ANO4: variants seen among roughly 807,000 people sequenced by gnomAD.
The protein encoded by ANO4 is anoctamin-4.
In ANO4, 69 loss-of-function variants were observed where a neutral mutation model predicts 141.9. The observed-to-expected ratio is 0.49, with a 90% CI of 0.40 to 0.59. The LOEUF (loss-of-function observed/expected upper bound fraction) is 0.59, where lower values mean the gene tolerates loss of function less well. ANO4 is among the 20% of genes least tolerant of loss of function. The pLI, the probability that ANO4 is intolerant of heterozygous loss-of-function variation, is 0.00. For synonymous variants in ANO4, 350 were observed against 394.3 expected (o/e 0.89, Z 1.33); for missense variants, 894 against 1,162.2 (o/e 0.77, Z 3.36).
intron 2 of ANO4, among the ~76,000 whole-genome samples, chr12:100,910,729 ACTT>A (rs1565999185): frequency 6.6e-6 from 1 of 152,164 alleles, no homozygotes; most frequent in African/African-American, 2.4e-5. Flanking sequence ...AATCTAAAAT[ACTT>A]CTTCTATTGC....
At chr12:100,981,003 C>T (rs1019352317) in intron 7 of ANO4, among the ~76,000 whole-genome samples, 1 of 152,064 alleles carries the variant, frequency 6.6e-6, no homozygotes, top group African/African-American at 2.4e-5. Flanking sequence ...CATTACTACT[C>T]CTTCCTTCCA....
Position 101,037,102 on chromosome 12 carries a change from T to C in ANO4, c.849T>C (p.Asn283=). The change falls in exon 10 of 28, where the codon AAT becomes AAC. Residue 283 remains asparagine, a synonymous_variant. Coordinates refer to ENST00000392977, the MANE Select transcript of ANO4 (RefSeq NM_001286615.2). ...ACTTATTTGCTGTTTTAGGTCTGAA[T>C]CGTTTGCTTACCAATGGCTCCTATG... ...YEEGKNKIGL[N]RLLTNGSYEA... 1.2e-6 allele frequency: 2 copies of C among 1,614,058 alleles called. No individual in the cohort carries two copies. The highest frequency in any genetic ancestry group is 2.2e-5 in the East Asian group (1 of 44,870).
intron 1 of ANO4, among the ~76,000 whole-genome samples, chr12:100,795,379 G>A (rs1354922024): frequency 6.6e-6 from 1 of 152,210 alleles, no homozygotes; most frequent in Non-Finnish European, 1.5e-5. Flanking sequence ...TCCTCAGTGT[G>A]CCAGGGGCAC....
rs138602421 is a variant in ANO4, at chr12:101,037,188, C to T, written c.897+38C>T. The T allele has an allele frequency of 4.0e-4, 643 of 1,595,132 alleles. 1 individual carries two copies. In the African/African-American group the frequency reaches 7.4e-3, roughly 18 times the overall value. ...CTTTAATCTTTATCTTTCTTTCAAT[C>T]GTTTGTTACTAAAGTCAGCTTCTAG... On this transcript the variant is annotated intron_variant, in intron 10 of 27. Transcript: ENST00000392977.
intron 26 of ANO4, among the ~76,000 whole-genome samples, chr12:101,124,100 C>A (rs1353826246): frequency 1.3e-5 from 2 of 152,144 alleles, no homozygotes; most frequent in Non-Finnish European, 2.9e-5. Context: ...TAAAAGTGTT[C>A]CTTTTTCTCT....
chr12:100,791,919 A>G (rs557408645), upstream of ANO4, among the ~76,000 whole-genome samples: 2 of 152,350 alleles, frequency 1.3e-5, no homozygotes, highest in South Asian at 4.1e-4. Flanking sequence ...GGCTTTCAGA[A>G]GTTAGATGGA....
At chr12:101,109,578 AAAAC>A (rs1325888863) in intron 22 of ANO4, among the ~76,000 whole-genome samples, 4 of 152,154 alleles carry the variant, frequency 2.6e-5, no homozygotes, top group Non-Finnish European at 5.9e-5. Context: ...AACAAAAAAC[AAAAC>A]AAACAAAAAA....
chr12:101,061,226 G>A (rs1235072626), intron 14 of ANO4, among the ~76,000 whole-genome samples: 1 of 152,226 alleles, frequency 6.6e-6, no homozygotes, highest in Middle Eastern at 3.4e-3. Context: ...CTTCTGGCTT[G>A]TAGGGTTTCT....
chr12:100,787,461 A>G (rs780985227), intron 3 of ANO4, among the ~76,000 whole-genome samples: 1 of 152,192 alleles, frequency 6.6e-6, no homozygotes, highest in African/African-American at 2.4e-5. Flanking sequence ...GAGAGCAGTC[A>G]TGGGGCTTGT....
At position 101,086,664 on chromosome 12, in the gene ANO4, G is replaced by A. The variant is rs1168628913; in HGVS notation, c.1541G>A (p.Cys514Tyr). 6.2e-7 allele frequency: 1 copy of A among 1,613,470 alleles called. No individual in the cohort carries two copies. Among genetic ancestry groups the A allele is most frequent in the Non-Finnish European group, 8.5e-7 (1 of 1,179,732 alleles). ...GGTGTCTTGTCTTCCTGCCAGATCTGCGTGGTGATTGCTGCCGTGTTCGGG... is the reference window on the plus strand; with the variant it reads ...GGTGTCTTGTCTTCCTGCCAGATCTACGTGGTGATTGCTGCCGTGTTCGGG... ...VSASGIFFMI[C>Y]VVIAAVFGIV... is the part of the protein sequence containing the mutation. The change falls in exon 17 of 28, where the codon TGC becomes TAC. Residue 514 changes from cysteine (C) to tyrosine (Y), a missense_variant. Physicochemically the swap from Cys to Tyr is radical, Grantham distance 194. Transcript: ENST00000392977.
chr12:100,820,051 T>C (rs2035954029), intron 1 of ANO4, among the ~76,000 whole-genome samples: 1 of 151,996 alleles, frequency 6.6e-6, no homozygotes, highest in Non-Finnish European at 1.5e-5. Flanking sequence ...GCTCTGTCTT[T>C]GGGTTCCTCC....
At chr12:100,807,076 TAAATA>T (rs2135688599) in intron 1 of ANO4, among the ~76,000 whole-genome samples, 1 of 152,354 alleles carries the variant, frequency 6.6e-6, no homozygotes, top group Admixed American at 6.5e-5. Context: ...TATTTTTATG[TAAATA>T]AAATCATACT....
At chr12:100,932,905 A>AT (rs969686291) in intron 3 of ANO4, among the ~76,000 whole-genome samples, 2 of 152,006 alleles carry the variant, frequency 1.3e-5, no homozygotes, top group Admixed American at 6.6e-5. Context: ...TTCCCAAGTC[A>AT]TTTTTTAGGC....
At chr12:101,053,779 G>A (rs779636770) in intron 14 of ANO4, among the ~76,000 whole-genome samples, 2 of 152,164 alleles carry the variant, frequency 1.3e-5, no homozygotes, top group Non-Finnish European at 2.9e-5. Flanking sequence ...GACCTTTTTT[G>A]AGGGGACACA....
intron 1 of ANO4, among the ~76,000 whole-genome samples, chr12:100,848,924 G>T (rs1461220260): frequency 6.6e-6 from 1 of 152,112 alleles, no homozygotes; most frequent in Non-Finnish European, 1.5e-5. Context: ...CCTGCACATA[G>T]TGGGAATAAA....
chr12:100,929,496 T>G (rs1280216872), intron 3 of ANO4, among the ~76,000 whole-genome samples: 1 of 152,166 alleles, frequency 6.6e-6, no homozygotes, highest in Non-Finnish European at 1.5e-5. Context: ...TGTACCACCA[T>G]TTTCTTTATC....
At chr12:101,057,769 G>C (rs2048182157) in intron 14 of ANO4, among the ~76,000 whole-genome samples, 1 of 152,264 alleles carries the variant, frequency 6.6e-6, no homozygotes, top group East Asian at 1.9e-4. Flanking sequence ...TTAGCTCTTT[G>C]TCAGATGGAT....
chr12:101,056,547 G>GT lies in ANO4; in HGVS notation c.1312+8150dup, dbSNP rs532529753. ...ATTAAGAAATTTATAAAATAAATAA[G>GT]TTTTCTTTCTTTCTAATCTATATGA... On this transcript the variant is annotated intron_variant, in intron 14 of 27. Transcript: ENST00000392977. 2.1e-4 allele frequency among the ~76,000 whole-genome samples: 32 copies of GT among 151,976 alleles called. No homozygotes were observed. In the South Asian group the frequency reaches 6.0e-3, roughly 29 times the overall value.
intron 19 of ANO4, among the ~76,000 whole-genome samples, chr12:101,097,268 A>C (rs2050022223): frequency 6.6e-6 from 1 of 152,126 alleles, no homozygotes; most frequent in Non-Finnish European, 1.5e-5. Context: ...AGCAGCACAA[A>C]ATTCTAGGCA....
Sources: gnomAD v4.1 joint callset for allele counts (sites outside exome capture counted in the v4.1 genomes callset) on GRCh38, gnomAD v4.1.1 for gene constraint, MANE v1.5 for transcripts, NCBI Gene and HGNC (gene_info 2026-07-23, HGNC 2026-07-21) for gene names.